The following ANO2 variants were observed in gnomAD, a reference collection of about 807,000 sequenced individuals.
ANO2 encodes the protein anoctamin-2.
A neutral mutation model predicts 124.2 loss-of-function variants in ANO2; 101 were observed. That is an observed-to-expected ratio of 0.81 (90% CI 0.69 to 0.96). The LOEUF (loss-of-function observed/expected upper bound fraction) is 0.96, where lower values mean the gene tolerates loss of function less well. Ranked by LOEUF, ANO2 falls within the 40% of genes least tolerant of loss-of-function variation. The pLI is 0.00. For missense variants in ANO2, 1,293 were observed against 1,274.5 expected (o/e 1.01, Z -0.22); for synonymous variants, 486 against 482.5 (o/e 1.01, Z -0.09).
chr12:5,837,163 C>A (rs1231854199), intron 4 of ANO2, among the ~76,000 whole-genome samples: 1 of 152,174 alleles, frequency 6.6e-6, no homozygotes. Context: ...AAGCCTCCCC[C>A]TCCTGCCCCT....
In ANO2 at chr12:5,739,248, G is replaced by A. The variant is rs552694528; in HGVS notation, c.1434+69C>T. The A allele has an allele frequency of 1.0e-4, 136 of 1,347,358 alleles. No homozygotes were observed. The South Asian group carries it at 1.6e-3, about 16-fold the overall frequency. The allele number at this position is 1,347,358 out of a possible 1,614,324, so 83.5% of individuals were successfully genotyped here. On this transcript the variant is annotated intron_variant, in intron 13 of 24. Transcript: ENST00000682330. ...ATACATGGTTATCTCACTCAAGAGA[G>A]TCCATTTCCAGGGTCAAAACAAAGC... is the stretch of plus-strand genomic sequence containing the variant.
intron 10 of ANO2, among the ~76,000 whole-genome samples, 170 bp from the exon 11 acceptor site, chr12:5,751,140 T>C (rs1951426591): frequency 6.6e-6 from 1 of 152,138 alleles, no homozygotes; most frequent in Non-Finnish European, 1.5e-5. Context: ...GTACAAAGAA[T>C]CAACAACTGA....
At chr12:5,844,832 T>C (rs887421092) in intron 4 of ANO2, among the ~76,000 whole-genome samples, 2 of 125,330 alleles carry the variant, frequency 1.6e-5, no homozygotes, top group Non-Finnish European at 3.5e-5. Flanking sequence ...ATTGAACCAG[T>C]TTTTGTGTGT....
Position 5,922,696 on chromosome 12 carries a change from C to A in ANO2, c.131G>T (p.Arg44Leu). The A allele has an allele frequency of 1.9e-6, 3 of 1,587,484 alleles. No homozygotes were observed. Among genetic ancestry groups the A allele is most frequent in the Non-Finnish European group, 2.6e-6 (3 of 1,168,458 alleles). Reference protein sequence around the residue: ...GQQCLKMPGPRAPGLQGGSNR... With the variant: ...GQQCLKMPGPLAPGLQGGSNR... ...GGAACCGCCCTGCAGACCTGGGGCC[C>A]GGGGACCTGGCATCTTGAGACACTG... The change falls in exon 2 of 25, where the codon CGG becomes CTG. Residue 44 changes from arginine (R) to leucine (L), a missense_variant. By Grantham distance (102) the Arg-to-Leu change is moderately radical (BLOSUM62 -2). Transcript: ENST00000682330.
At chr12:5,800,991 C>T (rs1327684359) in intron 9 of ANO2, among the ~76,000 whole-genome samples, 3 of 152,056 alleles carry the variant, frequency 2.0e-5, no homozygotes, top group Non-Finnish European at 4.4e-5. Flanking sequence ...GAAGGAGAGG[C>T]CCAGTGATGT....
At chr12:5,669,998 C>T (rs1269715964) in intron 14 of ANO2, among the ~76,000 whole-genome samples, 1 of 152,190 alleles carries the variant, frequency 6.6e-6, no homozygotes, top group Non-Finnish European at 1.5e-5. Flanking sequence ...AAACTGTGAG[C>T]CCACATAAAA....
rs115315380 is a variant in ANO2 at position 5,786,823 on chromosome 12, C to T, written c.1055+12684G>A. On this transcript the variant is annotated intron_variant, in intron 10 of 24. Transcript: ENST00000682330. ...GGCAAGTGACTTGTCTACTCTGTGT[C>T]TCATCTTGAAAATGATGGGGACCAG... Among the ~76,000 whole-genome samples, 548 of 152,320 alleles carry T rather than the reference C, an allele frequency of 3.6e-3. 4 individuals are homozygous for T. Among genetic ancestry groups the T allele is most frequent in the African/African-American group, 0.012 (511 of 41,568 alleles).
chr12:5,807,424 A>G, intron 7 of ANO2, 56 bp from the exon 8 acceptor site: 1 of 1,470,110 alleles, frequency 6.8e-7, no homozygotes, highest in Non-Finnish European at 9.3e-7. Flanking sequence ...TTCTCAACTT[A>G]ACCCCTGTTT....
At chr12:5,899,067 C>T (rs1939996157) in intron 3 of ANO2, among the ~76,000 whole-genome samples, 2 of 152,126 alleles carry the variant, frequency 1.3e-5, no homozygotes, top group African/African-American at 4.8e-5. Flanking sequence ...ATGGAAGAGA[C>T]TCCCCCTGCT....
chr12:5,922,410 C>T (rs1317941923), intron 2 of ANO2, among the ~76,000 whole-genome samples: 4 of 152,228 alleles, frequency 2.6e-5, no homozygotes, highest in Non-Finnish European at 5.9e-5. Flanking sequence ...ACGCCTCCTC[C>T]TTTCCTGACC....
chr12:5,638,170 G>A (rs1462280920), intron 15 of ANO2, among the ~76,000 whole-genome samples: 1 of 151,618 alleles, frequency 6.6e-6, no homozygotes, highest in Non-Finnish European at 1.5e-5. Context: ...ATCAATACCA[G>A]CTGAACCATT....
chr12:5,838,720 T>A (rs1003590017), intron 4 of ANO2, among the ~76,000 whole-genome samples: 3 of 152,186 alleles, frequency 2.0e-5, no homozygotes, highest in Non-Finnish European at 1.5e-5. Flanking sequence ...TGTGGATGAA[T>A]ACCCGCCTCA....
intron 12 of ANO2, among the ~76,000 whole-genome samples, chr12:5,743,789 A>C (rs1271680680): frequency 6.6e-6 from 1 of 152,086 alleles, no homozygotes; most frequent in African/African-American, 2.4e-5. Context: ...TCACTCCACC[A>C]TTCTAAGTAT....
intron 3 of ANO2, 124 bp downstream of exon 3, chr12:5,920,916 G>T: frequency 8.6e-7 from 1 of 1,161,138 alleles, no homozygotes; most frequent in Non-Finnish European, 1.2e-6. Context: ...GGTTTCTCCA[G>T]CAGAAAAAAA....
chr12:5,857,535 AT>A (rs908617217), intron 3 of ANO2, among the ~76,000 whole-genome samples: 3 of 151,924 alleles, frequency 2.0e-5, no homozygotes, highest in South Asian at 2.1e-4. Flanking sequence ...GCCAGCCTTT[AT>A]TTTTTTGGTC....
chr12:5,731,467 A>C (rs1267913785), intron 14 of ANO2, among the ~76,000 whole-genome samples: 2 of 152,360 alleles, frequency 1.3e-5, no homozygotes, highest in East Asian at 3.9e-4. Context: ...AACTTAAAGA[A>C]TGTGAAATGA....
At chr12:5,671,520 T>TGTGTGA (rs1948003501) in intron 14 of ANO2, among the ~76,000 whole-genome samples, 1 of 151,592 alleles carries the variant, frequency 6.6e-6, no homozygotes, top group Non-Finnish European at 1.5e-5. Flanking sequence ...GTGGCGTGTG[T>TGTGTGA]GTGTGAGTGT....
chr12:5,840,605 T>C (rs10774378), intron 4 of ANO2, among the ~76,000 whole-genome samples: 82,827 of 152,042 alleles, frequency 0.54, 26,669 homozygotes, highest in East Asian at 0.73. Context: ...GGTCTAACAG[T>C]ATAAGATAAA....
chr12:5,835,042 T>G (rs559104425), intron 4 of ANO2, among the ~76,000 whole-genome samples: 1 of 152,234 alleles, frequency 6.6e-6, no homozygotes, highest in Non-Finnish European at 1.5e-5. Context: ...ATTTCCCCAG[T>G]GACAGGCATT....
Sources: gnomAD v4.1 joint callset for allele counts (sites outside exome capture counted in the v4.1 genomes callset) on GRCh38, gnomAD v4.1.1 for gene constraint, MANE v1.5 for transcripts, NCBI Gene and HGNC (gene_info 2026-07-23, HGNC 2026-07-21) for gene names.